ZHX3: variants seen among roughly 807,000 people sequenced by gnomAD.
ZHX3 encodes the protein zinc fingers and homeoboxes protein 3.
In ZHX3, 20 loss-of-function variants were observed where a neutral mutation model predicts 64.5. The ratio of observed to expected loss-of-function variants is 0.31; its 90% CI spans 0.22 to 0.45. ZHX3 has a LOEUF of 0.45. Ranked by LOEUF, ZHX3 falls within the 20% of genes least tolerant of loss-of-function variation. The pLI is 1.00. For synonymous variants in ZHX3, 423 were observed against 461.6 expected, an observed-to-expected ratio of 0.92 and a Z score of 1.07; for missense variants, 1,041 against 1,195.8, an observed-to-expected ratio of 0.87 and a Z score of 1.91.
At position 41,179,630 on chromosome 20, in the gene ZHX3, AGTT is replaced by A. The variant is rs1247431051; in HGVS notation, c.*5558_*5560del. 1.3e-5 allele frequency: 2 copies of A among 148,958 alleles called. No homozygotes were observed. Among genetic ancestry groups the A allele is most frequent in the Non-Finnish European group, 3.0e-5 (2 of 67,748 alleles). The allele number at this position is 148,958 out of a possible 1,614,324, so 9.2% of individuals were successfully genotyped here. A position where few individuals can be genotyped will look rare whatever the true frequency, so the allele number is the denominator to read the frequency against. On this transcript the variant is annotated 3_prime_UTR_variant, in exon 4 of 4. Coordinates refer to ENST00000683867, the MANE Select transcript of ZHX3 (RefSeq NM_001384317.1). The surrounding 1 kb of genome is among the most constrained non-coding windows in gnomAD (Gnocchi z 4.3). ...TTCACTTTTAACTCCAGTCACATTA[AGTT>A]TTTTTTTTTTTTTTGAGACGGAGTT...
At chr20:41,254,762 T>C (rs2042152609) in intron 2 of ZHX3, 1 of 152,154 alleles carries the variant, frequency 6.6e-6, no homozygotes, top group South Asian at 2.1e-4. Flanking sequence ...AAACACTCAA[T>C]TGATGTTAGC....
intron 3 of ZHX3, chr20:41,197,213 A>G (rs916975160): frequency 6.8e-6 from 1 of 147,670 alleles, no homozygotes; most frequent in Non-Finnish European, 1.5e-5. Flanking sequence ...TGTTATACAT[A>G]TATTTTATAT....
chr20:41,311,203 T>C (rs1175497777), intron 1 of ZHX3, among the ~76,000 whole-genome samples: 1 of 152,200 alleles, frequency 6.6e-6, no homozygotes, highest in Non-Finnish European at 1.5e-5. Flanking sequence ...AAACTCTAAA[T>C]TGTTGATGAG....
At chr20:41,295,585 A>C (rs1420807690) in intron 1 of ZHX3, among the ~76,000 whole-genome samples, 1 of 152,196 alleles carries the variant, frequency 6.6e-6, no homozygotes, top group Non-Finnish European at 1.5e-5. Flanking sequence ...ATCAGGAGCC[A>C]GCCAGGCGCG....
At chr20:41,250,129 C>CA in intron 2 of ZHX3, among the ~76,000 whole-genome samples, 1 of 152,288 alleles carries the variant, frequency 6.6e-6, no homozygotes, top group Non-Finnish European at 1.5e-5. Context: ...ACCTAGATAT[C>CA]AGGCAGCATG....
rs539008791 is a variant in ZHX3 at position 41,204,300 on chromosome 20, A to G, written c.617T>C (p.Val206Ala). 92 of 1,614,190 alleles carry G rather than the reference A, an allele frequency of 5.7e-5. No homozygotes were observed. Among genetic ancestry groups the G allele is most frequent in the Non-Finnish European group, 7.3e-5 (86 of 1,180,026 alleles). ...GGCCTCACCCACAGGCTGGCTAGGGACATTCTCCTTGAGTGTATGAATTTT... is the reference window on the plus strand; with the variant it reads ...GGCCTCACCCACAGGCTGGCTAGGGGCATTCTCCTTGAGTGTATGAATTTT... ...AKKIHTLKEN[V>A]PSQPVGEALP... The change falls in exon 3 of 4, where the codon GTC (valine) becomes GCC (alanine). Residue 206 changes from valine (V) to alanine (A), a missense_variant. This residue lies in a region of ZHX3 where 358 missense variants were observed against 369.1 expected (regional missense o/e 0.97). Coordinates refer to ENST00000683867, the MANE Select transcript of ZHX3 (RefSeq NM_001384317.1). This position sits in a 1 kb window ranked among gnomAD's most constrained non-coding sequence, Gnocchi z 6.6.
At chr20:41,218,823 G>C (rs770155064) in intron 2 of ZHX3, among the ~76,000 whole-genome samples, 1 of 151,884 alleles carries the variant, frequency 6.6e-6, no homozygotes, top group Non-Finnish European at 1.5e-5. Flanking sequence ...TTGCCCTCTG[G>C]TTACTTAAGG....
At chr20:41,238,008 C>T (rs2041127650) in intron 2 of ZHX3, among the ~76,000 whole-genome samples, 1 of 152,172 alleles carries the variant, frequency 6.6e-6, no homozygotes, top group Non-Finnish European at 1.5e-5. Flanking sequence ...GGGTTCAGTG[C>T]TGCACCACTC....
chr20:41,288,462 G>C (rs2044049997), intron 1 of ZHX3, among the ~76,000 whole-genome samples: 1 of 152,144 alleles, frequency 6.6e-6, no homozygotes, highest in Non-Finnish European at 1.5e-5. Flanking sequence ...TGAATACATG[G>C]TTAAAAATTA....
rs377045051 is a variant in ZHX3, at chr20:41,202,701, C to T, written c.2216G>A (p.Gly739Asp). ...LKNLRVTEAN[G>D]RNEIPGLGAC... is the part of the protein sequence containing the mutation. ...ACCCAGCCCTGGAATCTCGTTCCTG[C>T]CATTGGCTTCAGTGACCCTCAGGTT... The change falls in exon 3 of 4, where the codon GGC becomes GAC. Residue 739 changes from glycine to aspartate, a missense_variant. By Grantham distance (94) the Gly-to-Asp change is moderately conservative. Transcript: ENST00000683867. The surrounding 1 kb of genome is among the most constrained non-coding windows in gnomAD (Gnocchi z 7.0). 6.2e-7 allele frequency: 1 copy of T among 1,614,156 alleles called. No homozygotes were observed. The highest frequency in any genetic ancestry group is 1.1e-5 in the South Asian group (1 of 91,080).
In ZHX3 at chr20:41,224,444, T is replaced by A. The variant is rs2040137035; in HGVS notation, c.-150-19378A>T. 6.6e-6 allele frequency among the ~76,000 whole-genome samples: 1 copy of A among 152,218 alleles called. No homozygotes were observed. Among genetic ancestry groups the A allele is most frequent in the Non-Finnish European group, 1.5e-5 (1 of 68,036 alleles). ...CATTCTCTCTATACATTCTAATTTG[T>A]CTGCATTTCTCACAAAATGTGGCAA... On this transcript the variant is annotated intron_variant, in intron 2 of 3. Coordinates refer to ENST00000683867, the MANE Select transcript of ZHX3 (RefSeq NM_001384317.1). This position sits in a 1 kb window ranked among gnomAD's most constrained non-coding sequence, Gnocchi z 5.2.
chr20:41,274,734 G>C (rs1226920869), intron 1 of ZHX3, among the ~76,000 whole-genome samples: 1 of 152,174 alleles, frequency 6.6e-6, no homozygotes, highest in Non-Finnish European at 1.5e-5. Context: ...TGAGTGAGGG[G>C]CAGTGATTGC....
rs1331961469 is a variant in ZHX3, at chr20:41,205,047, G to A, written c.-131C>T. ...CAGCTTTTTCAGTTGTTTGCAGAAA[G>A]CAGGTTTTCCCTATTCAATCTAAGG... On this transcript the variant is annotated 5_prime_UTR_variant, in exon 3 of 4. Coordinates refer to ENST00000683867, the MANE Select transcript of ZHX3 (RefSeq NM_001384317.1). 1.0e-5 allele frequency: 14 copies of A among 1,355,720 alleles called. No individual in the cohort carries two copies. In the East Asian group the frequency reaches 2.7e-4, roughly 26 times the overall value. 84.0% of individuals were successfully genotyped at this position (1,355,720 alleles called of 1,614,324 possible).
intron 2 of ZHX3, among the ~76,000 whole-genome samples, chr20:41,218,462 A>AATAG (rs1005878853): frequency 6.6e-6 from 1 of 152,084 alleles, no homozygotes; most frequent in African/African-American, 2.4e-5. Context: ...TAAATAAATA[A>AATAG]ATAAATAAAT....
intron 1 of ZHX3, among the ~76,000 whole-genome samples, chr20:41,270,386 A>T (rs2043079030): frequency 1.7e-5 from 2 of 119,744 alleles, no homozygotes; most frequent in Admixed American, 8.4e-5. Context: ...AAAAAAAAAA[A>T]AAAAAAAGGC....
chr20:41,183,183 G>GTGTA lies in ZHX3; in HGVS notation c.*2007_*2008insTACA, dbSNP rs138691505. 2.9e-4 allele frequency: 43 copies of GTGTA among 150,814 alleles called. No individual in the cohort carries two copies. The highest frequency in any genetic ancestry group is 3.7e-4 in the Non-Finnish European group (25 of 67,672). 9.3% of individuals were successfully genotyped at this position (150,814 alleles called of 1,614,324 possible). On this transcript the variant is annotated 3_prime_UTR_variant, in exon 4 of 4. Transcript: ENST00000683867. The surrounding 1 kb of genome is among the most constrained non-coding windows in gnomAD (Gnocchi z 5.3). ...GTATTTATACTGTATATGTGTGTGTGTATATATATATATATAAATTAATCT... is the reference window on the plus strand; with the variant it reads ...GTATTTATACTGTATATGTGTGTGTGTGTATATATATATATATATAAATTAATCT...
At chr20:41,217,162 T>A (rs948577310) in intron 2 of ZHX3, among the ~76,000 whole-genome samples, 6 of 152,206 alleles carry the variant, frequency 3.9e-5, no homozygotes, top group Admixed American at 3.9e-4. Flanking sequence ...CTATGTATGA[T>A]AATGGTATTT....
intron 1 of ZHX3, among the ~76,000 whole-genome samples, chr20:41,299,679 C>A (rs758020642): frequency 6.6e-6 from 1 of 151,902 alleles, no homozygotes; most frequent in Non-Finnish European, 1.5e-5. Flanking sequence ...TTTGCCAACA[C>A]GGCGAAACCC....
chr20:41,258,609 T>C (rs547688774), intron 2 of ZHX3, among the ~76,000 whole-genome samples: 6 of 152,326 alleles, frequency 3.9e-5, no homozygotes, highest in South Asian at 2.1e-4. Context: ...TCATGATTAC[T>C]CTGAGGTTAT....
Sources: gnomAD v4.1 joint callset for allele counts (sites outside exome capture counted in the v4.1 genomes callset) on GRCh38, gnomAD v4.1.1 for gene constraint, gnomAD v4.1.1 regional missense constraint, Gnocchi (gnomAD v3.1) non-coding constraint, MANE v1.5 for transcripts, NCBI Gene and HGNC (gene_info 2026-07-23, HGNC 2026-07-21) for gene names.